Variants in TEX261 observed in about 807,000 individuals in gnomAD.
The protein encoded by TEX261 is testis expressed 261, also known as protein TEX261.
A neutral mutation model predicts 25.1 loss-of-function variants in TEX261; 13 were observed. The observed-to-expected ratio is 0.52, with a 90% CI of 0.34 to 0.82. TEX261 has a LOEUF of 0.82. Ranked by LOEUF, TEX261 falls within the 40% of genes least tolerant of loss-of-function variation. The probability of loss-of-function intolerance (pLI) is 0.02; values close to 1 mark genes in which losing one functional copy is unlikely to be tolerated. For synonymous variants in TEX261, 92 were observed against 97.8 expected (o/e 0.94, Z 0.35); for missense variants, 206 against 243.2 (o/e 0.85, Z 1.02).
rs1553425267 is a variant in TEX261, at chr2:70,988,944, T to C, written c.446A>G (p.Asn149Ser). ...AFFVSLSAGE[N>S]VLPSTMQPGD... ...TGGCTGCATGGTAGAGGGCAGGACG[T>C]TCTCCCCGGCCGAAAGTGACACAAA... The change falls in exon 5 of 6, where the codon AAC (asparagine) becomes AGC (serine). Residue 149 changes from asparagine (N) to serine (S), a missense_variant. Coordinates refer to ENST00000272438, the MANE Select transcript of TEX261 (RefSeq NM_144582.3). 1.2e-6 allele frequency: 2 copies of C among 1,614,086 alleles called. No individual in the cohort carries two copies. Among genetic ancestry groups the C allele is most frequent in the Admixed American group, 1.7e-5 (1 of 60,000 alleles).
chr2:70,992,270 T>A (rs1347647304), intron 2 of TEX261, among the ~76,000 whole-genome samples: 1 of 151,848 alleles, frequency 6.6e-6, no homozygotes, highest in East Asian at 1.9e-4. Context: ...ACTACAGGCA[T>A]GCACAACCAC....
chr2:70,989,864 G>T, intron 3 of TEX261, 48 bp from the exon 4 acceptor site: 1 of 1,454,334 alleles, frequency 6.9e-7, no homozygotes, highest in Non-Finnish European at 9.7e-7. Context: ...ATAACAGAAA[G>T]CTGTACTTTT....
intron 2 of TEX261, 31 bp from the exon 3 acceptor site, chr2:70,992,014 C>T (rs370011917): frequency 7.6e-5 from 117 of 1,543,338 alleles, no homozygotes; most frequent in South Asian, 4.9e-4. Flanking sequence ...CAGTGCAGGG[C>T]GCTTCTTCCA....
At chr2:70,994,663 G>A in intron 1 of TEX261, 25 bp downstream of exon 1, 2 of 1,575,990 alleles carry the variant, frequency 1.3e-6, no homozygotes, top group Non-Finnish European at 1.7e-6. Flanking sequence ...GGGAGCCCGC[G>A]CGGGCCGGGG....
rs1553426046 is a variant in TEX261 at position 70,994,713 on chromosome 2, CTGGA to C, written c.41_44del (p.Ile14ArgfsTer19). On this transcript the variant is annotated frameshift_variant, in exon 1 of 6. Coordinates refer to ENST00000272438, the MANE Select transcript of TEX261 (RefSeq NM_144582.3). LOFTEE classifies it high-confidence loss of function. ...CGACAGCCAGCGTGATGAAGGCCAC[CTGGA>C]TGAAGAGCGACAGCCAGCTCAGCAG... The C allele has an allele frequency of 5.6e-6, 9 of 1,606,088 alleles. No homozygotes were observed. The highest frequency in any genetic ancestry group is 2.2e-5 in the East Asian group (1 of 44,506).
intron 5 of TEX261, 25 bp downstream of exon 5, chr2:70,988,890 G>A (rs370978815): frequency 1.7e-5 from 27 of 1,610,026 alleles, no homozygotes; most frequent in Non-Finnish European, 2.2e-5. Flanking sequence ...GCCCCCACCT[G>A]GGCCCCTTAC....
intron 2 of TEX261, 115 bp downstream of exon 2, chr2:70,993,581 G>A: frequency 1.2e-6 from 1 of 866,628 alleles, no homozygotes. Context: ...AAGAGTGTAT[G>A]CTCAGGAAAC....
chr2:70,991,772 G>A, intron 3 of TEX261, 58 bp downstream of exon 3: 6 of 1,583,140 alleles, frequency 3.8e-6, no homozygotes, highest in Non-Finnish European at 5.2e-6. Context: ...TAGTGCCCAG[G>A]ATGGAGATGG....
chr2:70,991,848 T>G lies in TEX261; in HGVS notation c.286A>C (p.Asn96His). ...TFPFIMLTSP[N>H]FILSCGLVVV... Reference sequence around the variant, plus strand: ...CTCTCACCACACGACAGGATGAAGTTAGGCGAGGTCAGCATGATGAAGGGG... The same window carrying G: ...CTCTCACCACACGACAGGATGAAGTGAGGCGAGGTCAGCATGATGAAGGGG... Residue 96 changes from asparagine (N) to histidine (H), a missense_variant, in exon 3 of 6, where the codon AAC becomes CAC. Coordinates refer to ENST00000272438, the MANE Select transcript of TEX261 (RefSeq NM_144582.3). 6.2e-7 allele frequency: 1 copy of G among 1,613,388 alleles called. No homozygotes were observed. Among genetic ancestry groups the G allele is most frequent in the South Asian group, 1.1e-5 (1 of 90,906 alleles).
intron 3 of TEX261, 45 bp downstream of exon 3, chr2:70,991,785 A>G (rs1219640640): frequency 6.2e-6 from 10 of 1,601,606 alleles, no homozygotes; most frequent in Admixed American, 1.7e-5. Context: ...GGAGATGGGC[A>G]CACCCAACCA....
Position 70,988,915 on chromosome 2 carries a change from C to T in TEX261, c.475G>A (p.Asp159Asn). 5.0e-6 allele frequency: 8 copies of T among 1,613,918 alleles called. No individual in the cohort carries two copies. Among genetic ancestry groups the T allele is most frequent in the Non-Finnish European group, 6.8e-6 (8 of 1,179,932 alleles). The stretch of plus-strand genomic sequence containing the variant: ...GGGCCCCTTACAAATCCCTTCTCAC[C>T]TCCTGGCTGCATGGTAGAGGGCAGG... ...NVLPSTMQPG[D>N]DVVSNYFTKG... The change falls in exon 5 of 6, where the codon GAT becomes AAT. Residue 159 changes from aspartate (D) to asparagine (N), a missense_variant and splice_region_variant. Asp to Asn is a conservative substitution (Grantham distance 23, BLOSUM62 1). Coordinates refer to ENST00000272438, the MANE Select transcript of TEX261 (RefSeq NM_144582.3).
At chr2:70,989,127 A>G in intron 4 of TEX261, 110 bp from the exon 5 acceptor site, 1 of 901,902 alleles carries the variant, frequency 1.1e-6, no homozygotes, top group Admixed American at 2.0e-5. Flanking sequence ...CCTGATCTCC[A>G]AAGGGGGCCC....
At position 70,988,300 on chromosome 2, in the gene TEX261, C is replaced by A. The variant is rs372122849; in HGVS notation, c.*300G>T. The A allele has an allele frequency of 5.7e-6, 2 of 349,068 alleles. No individual in the cohort carries two copies. Among genetic ancestry groups the A allele is most frequent in the South Asian group, 3.7e-5 (1 of 27,090 alleles). The allele number at this position is 349,068 out of a possible 1,614,324, so 21.6% of individuals were successfully genotyped here. ...ACAGACCCTGCCCTGCCTGCCCCAG[C>A]GGGGCCAGAACCTCCTGACCCACCT... On this transcript the variant is annotated 3_prime_UTR_variant, in exon 6 of 6. Transcript: ENST00000272438.
At position 70,991,993 on chromosome 2, in the gene TEX261, C is replaced by A; in HGVS notation, c.151-10G>T. The A allele has an allele frequency of 6.3e-7, 1 of 1,585,566 alleles. No individual in the cohort carries two copies. ...GTACAGCGGTGGAGAACTGAAACAA[C>A]CAGAGGCAGACAGTGCAGGGCGCTT... is the stretch of plus-strand genomic sequence containing the variant. On this transcript the variant is annotated splice_polypyrimidine_tract_variant and intron_variant, in intron 2 of 5. Coordinates refer to ENST00000272438, the MANE Select transcript of TEX261 (RefSeq NM_144582.3).
intron 1 of TEX261, 108 bp from the exon 2 acceptor site, chr2:70,993,883 G>A (rs1317648580): frequency 4.7e-6 from 4 of 854,224 alleles, no homozygotes; most frequent in African/African-American, 1.7e-5. Context: ...ACCCCAGAAG[G>A]TCAAGAACAA....
rs536484771 is a variant in TEX261, at chr2:70,988,753, A to AGT, written c.476-40_476-39dup. 2.8e-3 allele frequency: 3,800 copies of AGT among 1,348,406 alleles called. 21 individuals carry two copies. Among genetic ancestry groups the AGT allele is most frequent in the African/African-American group, 0.028 (1,934 of 69,340 alleles). 83.5% of individuals were successfully genotyped at this position (1,348,406 alleles called of 1,614,324 possible). On this transcript the variant is annotated intron_variant, in intron 5 of 5. Transcript: ENST00000272438. ...AGGCAAGAATATGAGAGAGAGAGAG[A>AGT]GTGTGTGTGTGTGTGTGCGCATGTG...
In TEX261 at chr2:70,989,747, AC is replaced by A; in HGVS notation, c.372+1del. On this transcript the variant is annotated splice_donor_variant, in intron 4 of 5. Coordinates refer to ENST00000272438, the MANE Select transcript of TEX261 (RefSeq NM_144582.3). LOFTEE classifies it high-confidence loss of function. Reference sequence around the variant, plus strand: ...CAGCTGAATGTGCTGGACACTTCTTACCTCTGAGAAGGGATAATATTCTTCT... The same window carrying A: ...CAGCTGAATGTGCTGGACACTTCTTACTCTGAGAAGGGATAATATTCTTCT... 6.2e-7 allele frequency: 1 copy of A among 1,605,976 alleles called. No individual in the cohort carries two copies. The highest frequency in any genetic ancestry group is 8.5e-7 in the Non-Finnish European group (1 of 1,172,548).
At chr2:70,994,476 G>C in intron 1 of TEX261, 1 of 625,532 alleles carries the variant, frequency 1.6e-6, no homozygotes, top group Non-Finnish European at 2.7e-6. Flanking sequence ...GTGCCGGAGC[G>C]GACTCTGTGA....
At position 70,991,975 on chromosome 2, in the gene TEX261, G is replaced by T. The variant is rs782253176; in HGVS notation, c.159C>A (p.Thr53=). 1 of 1,598,486 alleles carries T rather than the reference G, an allele frequency of 6.3e-7. No individual in the cohort carries two copies. Among genetic ancestry groups the T allele is most frequent in the Non-Finnish European group, 8.5e-7 (1 of 1,171,794 alleles). Residue 53 remains threonine, a synonymous_variant, in exon 3 of 6, where the codon ACC becomes ACA. Coordinates refer to ENST00000272438, the MANE Select transcript of TEX261 (RefSeq NM_144582.3). ...AGACGTAGAGGCCAATCAGTACAGC[G>T]GTGGAGAACTGAAACAACCAGAGGC... is the stretch of plus-strand genomic sequence containing the variant. ...RIIKYMIWFS[T]AVLIGLYVFE... is the part of the protein sequence containing the mutation.
Sources: allele counts gnomAD v4.1 joint callset (sites outside exome capture counted in the v4.1 genomes callset), GRCh38; gene constraint gnomAD v4.1.1; transcripts MANE v1.5; gene names NCBI Gene and HGNC (gene_info 2026-07-23, HGNC 2026-07-21).